The following INPP4B variants were observed in gnomAD, a reference collection of about 807,000 sequenced individuals.
The protein encoded by INPP4B is inositol polyphosphate-4-phosphatase type II B, also known as inositol polyphosphate 4-phosphatase type II.
A neutral mutation model predicts 122.5 loss-of-function variants in INPP4B; 55 were observed. The ratio of observed to expected loss-of-function variants is 0.45; its 90% confidence interval spans 0.36 to 0.56. INPP4B has a LOEUF of 0.56. Ranked by LOEUF, INPP4B falls within the 20% of genes least tolerant of loss-of-function variation. The pLI is 0.00. For missense variants in INPP4B, 1,000 were observed against 1,097.7 expected (o/e 0.91, Z 1.26); for synonymous variants, 403 against 388.7 (o/e 1.04, Z -0.43).
chr4:142,558,969 GAC>G (rs1274554777), intron 2 of INPP4B, among the ~76,000 whole-genome samples: 2 of 152,014 alleles, frequency 1.3e-5, no homozygotes, highest in African/African-American at 4.8e-5. Flanking sequence ...ACTAGAAGTA[GAC>G]ACAGAGTCCC....
intron 2 of INPP4B, among the ~76,000 whole-genome samples, chr4:142,641,175 C>G (rs761948248): frequency 3.3e-5 from 5 of 152,082 alleles, no homozygotes; most frequent in Non-Finnish European, 7.4e-5. Flanking sequence ...ACAACTGAAA[C>G]AGCAAATATT....
At position 142,050,718 on chromosome 4, in the gene INPP4B, C is replaced by A. The variant is rs147831889; in HGVS notation, c.2643-21804G>T. 4.6e-3 allele frequency among the ~76,000 whole-genome samples: 700 copies of A among 151,900 alleles called. 5 individuals carry two copies. Among genetic ancestry groups the A allele is most frequent in the Non-Finnish European group, 4.8e-3 (329 of 67,960 alleles). ...TAGGGATGATAAATTTGTATACACA[C>A]AAACAAACATGAACATGTACAGAAT... On this transcript the variant is annotated intron_variant, in intron 25 of 25. Transcript: ENST00000262992.
At chr4:142,427,491 T>A (rs1808356734) in intron 5 of INPP4B, 1 of 672,278 alleles carries the variant, frequency 1.5e-6, no homozygotes. Context: ...GAAATATAAG[T>A]GATGATGGTG....
intron 2 of INPP4B, among the ~76,000 whole-genome samples, chr4:142,546,569 G>A (rs1320572470): frequency 6.6e-6 from 1 of 152,078 alleles, no homozygotes; most frequent in Admixed American, 6.6e-5. Context: ...CCACTAATAA[G>A]TTAGGAGAAT....
At chr4:142,380,495 G>A (rs1393382029) in intron 7 of INPP4B, among the ~76,000 whole-genome samples, 3 of 152,112 alleles carry the variant, frequency 2.0e-5, no homozygotes, top group Non-Finnish European at 2.9e-5. Flanking sequence ...CAATCCTGAT[G>A]TATTGAATCT....
chr4:142,611,817 C>T (rs895471527), intron 2 of INPP4B, among the ~76,000 whole-genome samples: 11 of 151,228 alleles, frequency 7.3e-5, no homozygotes, highest in South Asian at 2.1e-4. Context: ...TACAGGTGCA[C>T]GCCACCATGC....
intron 7 of INPP4B, among the ~76,000 whole-genome samples, chr4:142,344,838 C>T (rs974881055): frequency 2.0e-5 from 3 of 151,848 alleles, no homozygotes; most frequent in African/African-American, 7.3e-5. Flanking sequence ...ATGTAACAAG[C>T]CTGCACTTGT....
chr4:142,031,291 C>T (rs1472628542), intron 25 of INPP4B, among the ~76,000 whole-genome samples: 1 of 152,162 alleles, frequency 6.6e-6, no homozygotes, highest in Non-Finnish European at 1.5e-5. Flanking sequence ...GTGGCTCAGT[C>T]TTATGAAAAG....
rs1277333587 is a variant in INPP4B at position 142,023,871 on chromosome 4, T to A, written c.*4911A>T. ...TGGGTACCATACTCAATTGTAAATC[T>A]TTTAAAAATTTAAAATTCTAAGTAT... On this transcript the variant is annotated 3_prime_UTR_variant, in exon 26 of 26. Coordinates refer to ENST00000262992, the MANE Select transcript of INPP4B (RefSeq NM_001101669.3). 1 of 152,164 alleles carries A rather than the reference T, an allele frequency of 6.6e-6. No individual in the cohort carries two copies. The highest frequency in any genetic ancestry group is 1.5e-5 in the Non-Finnish European group (1 of 68,028). 9.4% of individuals were successfully genotyped at this position (152,164 alleles called of 1,614,324 possible).
At chr4:142,110,688 T>C (rs188213210) in intron 22 of INPP4B, among the ~76,000 whole-genome samples, 2 of 152,232 alleles carry the variant, frequency 1.3e-5, no homozygotes, top group East Asian at 3.9e-4. Context: ...TTTTCCAGTC[T>C]TGTGTGTCTT....
intron 15 of INPP4B, among the ~76,000 whole-genome samples, chr4:142,179,527 G>A (rs569116937): frequency 6.3e-4 from 83 of 131,542 alleles, no homozygotes; most frequent in Admixed American, 3.8e-3. Flanking sequence ...AGAGTGTTGT[G>A]ATCAAAAGTT....
intron 5 of INPP4B, among the ~76,000 whole-genome samples, chr4:142,421,031 G>A (rs924575741): frequency 3.9e-5 from 6 of 152,102 alleles, no homozygotes; most frequent in African/African-American, 1.2e-4. Context: ...AGGAAATAGA[G>A]ATTCAGAAAC....
chr4:142,449,382 A>G (rs1813644222), intron 3 of INPP4B, among the ~76,000 whole-genome samples: 1 of 152,122 alleles, frequency 6.6e-6, no homozygotes, highest in African/African-American at 2.4e-5. Flanking sequence ...CAGAACCTTG[A>G]GCCACACTCT....
At chr4:142,237,259 C>T (rs1264281706) in intron 12 of INPP4B, among the ~76,000 whole-genome samples, 2 of 152,076 alleles carry the variant, frequency 1.3e-5, no homozygotes, top group African/African-American at 2.4e-5. Flanking sequence ...AAACAGCAAC[C>T]ATAAGCAGTT....
At chr4:142,615,560 T>C (rs1290366235) in intron 2 of INPP4B, among the ~76,000 whole-genome samples, 1 of 152,144 alleles carries the variant, frequency 6.6e-6, no homozygotes, top group Non-Finnish European at 1.5e-5. Flanking sequence ...TTAGGTCCTA[T>C]TTGTGATTCA....
At chr4:142,481,300 A>G (rs1437364026) in intron 2 of INPP4B, among the ~76,000 whole-genome samples, 1 of 152,018 alleles carries the variant, frequency 6.6e-6, no homozygotes, top group Non-Finnish European at 1.5e-5. Flanking sequence ...TAAAGACACA[A>G]CATTTATTTA....
chr4:142,293,036 T>C lies in INPP4B; in HGVS notation c.503+12422A>G. Among the ~76,000 whole-genome samples the C allele has an allele frequency of 1.7e-5, 2 of 119,730 alleles. 1 individual carries two copies. The highest frequency in any genetic ancestry group is 3.4e-5 in the Non-Finnish European group (2 of 57,988). The allele number at this position is 119,730 out of a possible 152,430, so 78.5% of individuals were successfully genotyped here. A position where few individuals can be genotyped will look rare whatever the true frequency, so the allele number is the denominator to read the frequency against. On this transcript the variant is annotated intron_variant, in intron 9 of 25. Transcript: ENST00000262992. ...AAAAAAGGTAATTACCTAATTTTTA[T>C]ACCCTTTTTTTTTTTTTTTAAGACA... is the stretch of plus-strand genomic sequence containing the variant.
intron 7 of INPP4B, among the ~76,000 whole-genome samples, chr4:142,315,650 T>C (rs1720354529): frequency 6.6e-6 from 1 of 151,406 alleles, no homozygotes; most frequent in Non-Finnish European, 1.5e-5. Flanking sequence ...AAGTCATGAT[T>C]ACCTTTCTTG....
At chr4:142,267,091 C>T (rs918671604) in intron 10 of INPP4B, among the ~76,000 whole-genome samples, 1 of 152,130 alleles carries the variant, frequency 6.6e-6, no homozygotes, top group African/African-American at 2.4e-5. Flanking sequence ...ATCCCATGCT[C>T]GTGGATTGGA....
Sources: allele counts gnomAD v4.1 joint callset (sites outside exome capture counted in the v4.1 genomes callset), GRCh38; gene constraint gnomAD v4.1.1; transcripts MANE v1.5; gene names NCBI Gene and HGNC (gene_info 2026-07-23, HGNC 2026-07-21).